SLC35F4: variants seen among roughly 807,000 people sequenced by gnomAD.
SLC35F4 encodes solute carrier family 35 member F4.
In SLC35F4, 24 loss-of-function variants were observed where a neutral mutation model predicts 44.2. The ratio of observed to expected loss-of-function variants is 0.54; its 90% CI spans 0.39 to 0.76. The LOEUF (loss-of-function observed/expected upper bound fraction) is 0.76, where lower values mean the gene tolerates loss of function less well. Ranked by LOEUF, SLC35F4 falls within the 30% of genes least tolerant of loss-of-function variation. SLC35F4 has a pLI of 0.00. For synonymous variants in SLC35F4, 238 were observed against 223.6 expected (o/e 1.06, Z -0.57); for missense variants, 562 against 586.1 (o/e 0.96, Z 0.42).
intron 1 of SLC35F4, among the ~76,000 whole-genome samples, chr14:57,933,426 C>G (rs940206312): frequency 6.6e-6 from 1 of 152,128 alleles, no homozygotes. Flanking sequence ...TAAGCCCATA[C>G]GCTATGTGAT....
chr14:57,846,442 G>A (rs1045715633), intron 1 of SLC35F4, among the ~76,000 whole-genome samples: 2 of 152,174 alleles, frequency 1.3e-5, no homozygotes, highest in Admixed American at 1.3e-4. Context: ...AGCCTCCATA[G>A]GCCCCTGAAT....
At chr14:57,674,176 C>T (rs1212335263) in intron 1 of SLC35F4, among the ~76,000 whole-genome samples, 1 of 151,958 alleles carries the variant, frequency 6.6e-6, no homozygotes, top group Non-Finnish European at 1.5e-5. Context: ...CACTACAATA[C>T]CCACCAGAAT....
intron 1 of SLC35F4, among the ~76,000 whole-genome samples, chr14:57,754,718 C>A (rs1248560152): frequency 6.6e-6 from 1 of 152,204 alleles, no homozygotes. Flanking sequence ...TTCCACCTAG[C>A]ACAGGCCTCA....
At chr14:57,978,239 T>C (rs994829003) in intron 1 of SLC35F4, among the ~76,000 whole-genome samples, 4 of 152,106 alleles carry the variant, frequency 2.6e-5, no homozygotes, top group Non-Finnish European at 5.9e-5. Flanking sequence ...CAGGGTCCTC[T>C]ATAGAGCATC....
intron 1 of SLC35F4, among the ~76,000 whole-genome samples, chr14:57,654,550 C>T (rs979346533): frequency 4.6e-5 from 7 of 152,192 alleles, no homozygotes; most frequent in African/African-American, 7.2e-5. Flanking sequence ...CTGCTGTAAA[C>T]ATGCATGTGC....
intron 1 of SLC35F4, among the ~76,000 whole-genome samples, chr14:57,672,807 A>G (rs1290015420): frequency 6.6e-6 from 1 of 151,856 alleles, no homozygotes; most frequent in Non-Finnish European, 1.5e-5. Context: ...ACTTAGAATA[A>G]CAAAGTTGAG....
intron 1 of SLC35F4, among the ~76,000 whole-genome samples, chr14:57,687,470 G>A (rs2075100808): frequency 6.6e-6 from 1 of 152,104 alleles, no homozygotes; most frequent in African/African-American, 2.4e-5. Flanking sequence ...ATTCCAAACA[G>A]GAAACATCTT....
chr14:57,876,367 A>G (rs1002714852), intron 1 of SLC35F4, among the ~76,000 whole-genome samples: 24 of 152,184 alleles, frequency 1.6e-4, no homozygotes, highest in Admixed American at 1.5e-3. Context: ...CTACTTTCTT[A>G]GGGACATGAA....
At chr14:57,864,063 G>T (rs968416893) in intron 1 of SLC35F4, among the ~76,000 whole-genome samples, 1 of 152,064 alleles carries the variant, frequency 6.6e-6, no homozygotes, top group Admixed American at 6.6e-5. Flanking sequence ...TTTTTGGGTT[G>T]TTCATTGTTA....
At chr14:57,803,391 G>T (rs1430916360) in intron 1 of SLC35F4, among the ~76,000 whole-genome samples, 1 of 152,010 alleles carries the variant, frequency 6.6e-6, no homozygotes, top group Non-Finnish European at 1.5e-5. Flanking sequence ...TTGAAAACTG[G>T]CACAAGACAA....
intron 1 of SLC35F4, among the ~76,000 whole-genome samples, chr14:57,798,646 T>C (rs914227618): frequency 1.3e-5 from 2 of 152,184 alleles, no homozygotes; most frequent in South Asian, 2.1e-4. Context: ...TGTTTCAGCA[T>C]TTCTCCTAGG....
intron 1 of SLC35F4, among the ~76,000 whole-genome samples, chr14:57,885,119 GC>G (rs1888619397): frequency 1.3e-5 from 2 of 152,138 alleles, no homozygotes; most frequent in South Asian, 4.2e-4. Flanking sequence ...AGAGGCTCCT[GC>G]CCCCAACACA....
intron 1 of SLC35F4, among the ~76,000 whole-genome samples, chr14:57,946,573 C>T (rs1467921493): frequency 1.4e-5 from 2 of 146,300 alleles, no homozygotes; most frequent in African/African-American, 5.1e-5. Flanking sequence ...CTCTCAGGCT[C>T]AAATTATTCT....
chr14:57,571,871 A>G (rs764337560), intron 5 of SLC35F4, 23 bp downstream of exon 5: 2 of 1,598,958 alleles, frequency 1.3e-6, no homozygotes, highest in Non-Finnish European at 1.7e-6. Flanking sequence ...ACAGTTGCTT[A>G]CAAAAGAAAG....
chr14:57,757,779 A>G (rs1202554355), intron 1 of SLC35F4, among the ~76,000 whole-genome samples: 4 of 152,188 alleles, frequency 2.6e-5, no homozygotes, highest in Admixed American at 1.3e-4. Context: ...AAAGATACTT[A>G]AAACATAAGA....
chr14:57,885,515 T>C (rs1337109969), intron 1 of SLC35F4, among the ~76,000 whole-genome samples: 1 of 152,052 alleles, frequency 6.6e-6, no homozygotes, highest in Non-Finnish European at 1.5e-5. Context: ...TCTCCAGCCT[T>C]AGGATCCTTT....
rs964923017 is a variant in SLC35F4 at position 57,865,581 on chromosome 14, C to T, written c.103+142G>A. 9.4e-6 allele frequency: 6 copies of T among 636,930 alleles called. No individual in the cohort carries two copies. In the African/African-American group the frequency reaches 1.2e-4, roughly 13 times the overall value. 39.5% of individuals were successfully genotyped at this position (636,930 alleles called of 1,614,324 possible). A position where few individuals can be genotyped will look rare whatever the true frequency, so the allele number is the denominator to read the frequency against. On this transcript the variant is annotated intron_variant, in intron 1 of 7. Transcript: ENST00000556826. Reference sequence around the variant, plus strand: ...CATACTTTTCTCCCCGGGGGGTCCCCGCCGCCAGGAAGGCGGTGTTGACAG... The same window carrying T: ...CATACTTTTCTCCCCGGGGGGTCCCTGCCGCCAGGAAGGCGGTGTTGACAG...
At chr14:57,675,323 G>A (rs764854072) in intron 1 of SLC35F4, among the ~76,000 whole-genome samples, 1 of 151,950 alleles carries the variant, frequency 6.6e-6, no homozygotes, top group Non-Finnish European at 1.5e-5. Flanking sequence ...GTAGTTAGAG[G>A]GGAAGCATAG....
intron 1 of SLC35F4, among the ~76,000 whole-genome samples, chr14:57,741,495 G>C (rs760111614): frequency 1.3e-5 from 2 of 151,968 alleles, no homozygotes; most frequent in South Asian, 4.2e-4. Context: ...TATCAGTGAT[G>C]GAAGATCAAA....
Sources: allele counts gnomAD v4.1 joint callset (sites outside exome capture counted in the v4.1 genomes callset), GRCh38; gene constraint gnomAD v4.1.1; transcripts MANE v1.5; gene names NCBI Gene and HGNC (gene_info 2026-07-23, HGNC 2026-07-21).